Variants in CHRM3 observed in about 807,000 individuals in gnomAD.
The protein encoded by CHRM3 is cholinergic receptor muscarinic 3.
CHRM3 carries 11 observed loss-of-function variants against 41.8 expected under a neutral mutation model. The observed-to-expected ratio is 0.26, with a 90% CI of 0.17 to 0.44. CHRM3 has a LOEUF of 0.44. Among genes scored for constraint, CHRM3 ranks in the 20% least tolerant of loss-of-function variants. The pLI is 1.00. For missense variants in CHRM3, 571 were observed against 745.4 expected, an observed-to-expected ratio of 0.77 and a Z score of 2.72; for synonymous variants, 297 against 301.4, an observed-to-expected ratio of 0.99 and a Z score of 0.15.
At chr1:239,544,790 A>G (rs960855851) in intron 2 of CHRM3, among the ~76,000 whole-genome samples, 1 of 152,226 alleles carries the variant, frequency 6.6e-6, no homozygotes, top group African/African-American at 2.4e-5. Flanking sequence ...TATATGGGAG[A>G]CAGAGAACCA....
chr1:239,794,679 G>A (rs1426502915), intron 5 of CHRM3, among the ~76,000 whole-genome samples: 3 of 152,024 alleles, frequency 2.0e-5, no homozygotes, highest in South Asian at 4.1e-4. Flanking sequence ...CTAACTCCAC[G>A]CTTTTAATTA....
At chr1:239,763,768 C>T (rs1304158715) in intron 5 of CHRM3, among the ~76,000 whole-genome samples, 2 of 151,822 alleles carry the variant, frequency 1.3e-5, no homozygotes, top group Non-Finnish European at 2.9e-5. Context: ...CAATTTAAGA[C>T]CTTTTCTCTC....
intron 1 of CHRM3, among the ~76,000 whole-genome samples, chr1:239,445,889 C>T (rs1415032435): frequency 6.6e-6 from 1 of 151,500 alleles, no homozygotes; most frequent in Non-Finnish European, 1.5e-5. Context: ...TCAGAGGGTA[C>T]TGACCCATTT....
chr1:239,740,488 C>T (rs1664746741), intron 5 of CHRM3, among the ~76,000 whole-genome samples: 1 of 151,248 alleles, frequency 6.6e-6, no homozygotes, highest in South Asian at 2.1e-4. Flanking sequence ...TTCTGGGATA[C>T]ATGTGCAGAA....
At chr1:239,556,120 T>C (rs1314447879) in intron 3 of CHRM3, among the ~76,000 whole-genome samples, 1 of 152,186 alleles carries the variant, frequency 6.6e-6, no homozygotes, top group African/African-American at 2.4e-5. Flanking sequence ...TAACTACGCA[T>C]GTACCTTTAA....
At chr1:239,483,626 A>G (rs1399125702) in intron 1 of CHRM3, among the ~76,000 whole-genome samples, 1 of 152,186 alleles carries the variant, frequency 6.6e-6, no homozygotes, top group Non-Finnish European at 1.5e-5. Flanking sequence ...TGACTGAGAG[A>G]TAATTTAATC....
At chr1:239,807,694 G>A (rs2148959857) in intron 5 of CHRM3, among the ~76,000 whole-genome samples, 1 of 152,234 alleles carries the variant, frequency 6.6e-6, no homozygotes, top group East Asian at 1.9e-4. Flanking sequence ...TACATGCTCT[G>A]TTAAATTTTA....
chr1:239,404,356 GAAA>G (rs1660276210), intron 1 of CHRM3, among the ~76,000 whole-genome samples: 1 of 42,986 alleles, frequency 2.3e-5, no homozygotes, highest in Non-Finnish European at 4.4e-5. Flanking sequence ...GAAAGAGAAA[GAAA>G]GAAAGAAAGA....
intron 5 of CHRM3, among the ~76,000 whole-genome samples, chr1:239,808,033 A>G (rs1405505969): frequency 6.6e-6 from 1 of 152,180 alleles, no homozygotes; most frequent in Non-Finnish European, 1.5e-5. Flanking sequence ...TTAAAGAAAC[A>G]TATTCCAAAA....
In CHRM3 at chr1:239,644,551, C is replaced by A. The variant is rs1408958126; in HGVS notation, c.-250+12265C>A. On this transcript the variant is annotated intron_variant, in intron 4 of 6. Coordinates refer to ENST00000676153, the MANE Select transcript of CHRM3 (RefSeq NM_001375978.1). The stretch of plus-strand genomic sequence containing the variant: ...GCCTTAAATGGGGGTGGACTGTGAG[C>A]TTTAGGGCAGAGAATTCCAGGGACT... Among the ~76,000 whole-genome samples the A allele has an allele frequency of 2.0e-5, 3 of 152,166 alleles. No homozygotes were observed. In the South Asian group the frequency reaches 6.2e-4, roughly 32 times the overall value.
intron 3 of CHRM3, among the ~76,000 whole-genome samples, chr1:239,622,104 A>T (rs1473190725): frequency 2.6e-5 from 4 of 152,200 alleles, no homozygotes; most frequent in African/African-American, 4.8e-5. Flanking sequence ...ATGACAGTGC[A>T]TCTGTTTACA....
chr1:239,717,295 C>T (rs189016739), intron 5 of CHRM3, among the ~76,000 whole-genome samples: 1 of 152,120 alleles, frequency 6.6e-6, no homozygotes, highest in Non-Finnish European at 1.5e-5. Context: ...ATGCTGGTAC[C>T]AGGAAAGCAT....
chr1:239,700,944 T>C (rs1360207707), intron 5 of CHRM3, among the ~76,000 whole-genome samples: 1 of 152,174 alleles, frequency 6.6e-6, no homozygotes, highest in East Asian at 1.9e-4. Flanking sequence ...AGATATGATG[T>C]GAACAGCCTG....
intron 5 of CHRM3, among the ~76,000 whole-genome samples, chr1:239,695,693 A>G (rs1008018248): frequency 6.6e-6 from 1 of 152,030 alleles, no homozygotes; most frequent in Non-Finnish European, 1.5e-5. Flanking sequence ...CCCTCAGAGT[A>G]CTCATAATTA....
intron 1 of CHRM3, among the ~76,000 whole-genome samples, chr1:239,440,221 C>G (rs1034191388): frequency 2.7e-5 from 4 of 149,206 alleles, no homozygotes; most frequent in Non-Finnish European, 5.9e-5. Flanking sequence ...AAAAGCCTCT[C>G]TATAGGGACA....
intron 3 of CHRM3, among the ~76,000 whole-genome samples, chr1:239,580,940 A>G (rs1572780309): frequency 6.6e-6 from 1 of 151,730 alleles, no homozygotes. Flanking sequence ...TGACTACCCA[A>G]ATGAATGCAG....
chr1:239,454,862 G>A (rs1664804966), intron 1 of CHRM3, among the ~76,000 whole-genome samples: 2 of 152,158 alleles, frequency 1.3e-5, no homozygotes, highest in African/African-American at 4.8e-5. Context: ...ACCTAGTGAT[G>A]TGGTAGCAGC....
intron 5 of CHRM3, chr1:239,727,587 CTTTT>C (rs1242661046): frequency 1.3e-5 from 2 of 151,564 alleles, no homozygotes; most frequent in Non-Finnish European, 2.9e-5. Flanking sequence ...GTCAAAATGA[CTTTT>C]TTAAAGAGAA....
rs548260270 is a variant in CHRM3 at position 239,471,755 on chromosome 1, G to T, written c.-520-20954G>T. 2.6e-5 allele frequency among the ~76,000 whole-genome samples: 4 copies of T among 152,286 alleles called. No individual in the cohort carries two copies. The East Asian group carries it at 5.8e-4, about 22-fold the overall frequency. On this transcript the variant is annotated intron_variant, in intron 1 of 6. Transcript: ENST00000676153. Reference sequence around the variant, plus strand: ...CTGGGCCTAGGAATACACCCATTTTGAGAGCACGGCTGTGCAGTGAGGTCT... The same window carrying T: ...CTGGGCCTAGGAATACACCCATTTTTAGAGCACGGCTGTGCAGTGAGGTCT...
Sources: allele counts gnomAD v4.1 joint callset (sites outside exome capture counted in the v4.1 genomes callset), GRCh38; gene constraint gnomAD v4.1.1; transcripts MANE v1.5; gene names NCBI Gene and HGNC (gene_info 2026-07-23, HGNC 2026-07-21).